Variants in CFAP73 observed in about 807,000 individuals in gnomAD.
CFAP73 encodes the protein cilia and flagella associated protein 73, also known as cilia- and flagella-associated protein 73.
A neutral mutation model predicts 42.9 loss-of-function variants in CFAP73; 33 were observed. The ratio of observed to expected loss-of-function variants is 0.77; its 90% CI spans 0.58 to 1.03. The LOEUF (loss-of-function observed/expected upper bound fraction) is 1.03, where lower values mean the gene tolerates loss of function less well. Among genes scored for constraint, CFAP73 ranks in the 50% least tolerant of loss-of-function variants. CFAP73 has a pLI of 0.00. For missense variants in CFAP73, 392 were observed against 411.9 expected (o/e 0.95, Z 0.42); for synonymous variants, 162 against 186.8 (o/e 0.87, Z 1.08).
intron 5 of CFAP73, among the ~76,000 whole-genome samples, chr12:113,155,051 T>A (rs1367902465): frequency 2.0e-5 from 3 of 152,058 alleles, no homozygotes; most frequent in African/African-American, 7.2e-5. Flanking sequence ...GCGCCTGTAC[T>A]CCCAGCTACT....
intron 7 of CFAP73, 61 bp downstream of exon 7, chr12:113,157,751 T>C (rs1952150065): frequency 4.0e-6 from 5 of 1,246,144 alleles, no homozygotes; most frequent in Non-Finnish European, 5.7e-6. Context: ...ACATTTCCAA[T>C]GGGGTGTGGA....
At position 113,158,901 on chromosome 12, in the gene CFAP73, C is replaced by T. The variant is rs771002131; in HGVS notation, c.*212C>T. On this transcript the variant is annotated 3_prime_UTR_variant, in exon 8 of 8. Coordinates refer to ENST00000335621, the MANE Select transcript of CFAP73 (RefSeq NM_001144872.3). The surrounding 1 kb of genome is among the most constrained non-coding windows in gnomAD (Gnocchi z 4.9). ...CTCACATCCTCTTCCGCATCTTGCC[C>T]TTCTTGGAGCGGGCACCCCGGCCGA... 2.5e-6 allele frequency: 4 copies of T among 1,606,282 alleles called. No individual in the cohort carries two copies. The Middle Eastern group carries it at 6.6e-4, about 266-fold the overall frequency.
Position 113,149,856 on chromosome 12 carries a change from G to A in CFAP73, c.-2G>A, listed in dbSNP as rs1952046627. 1 of 1,551,644 alleles carries A rather than the reference G, an allele frequency of 6.4e-7. No individual in the cohort carries two copies. The highest frequency in any genetic ancestry group is 1.2e-5 in the South Asian group (1 of 84,060). The stretch of plus-strand genomic sequence containing the variant: ...AAGAAAGCTGGGGCAACTGCCAGAA[G>A]GATGGCGGTGCCCTGGGAGGAATAT... On this transcript the variant is annotated 5_prime_UTR_variant, in exon 1 of 8. Coordinates refer to ENST00000335621, the MANE Select transcript of CFAP73 (RefSeq NM_001144872.3).
chr12:113,156,520 C>T (rs528176923), intron 6 of CFAP73, among the ~76,000 whole-genome samples: 40 of 152,082 alleles, frequency 2.6e-4, no homozygotes, highest in African/African-American at 9.1e-4. Flanking sequence ...GTTTTGTCTG[C>T]GGCTCGTCCT....
intron 1 of CFAP73, among the ~76,000 whole-genome samples, chr12:113,150,489 C>T (rs1190686265): frequency 6.6e-6 from 1 of 152,162 alleles, no homozygotes; most frequent in Non-Finnish European, 1.5e-5. Flanking sequence ...GCTGGTCTCC[C>T]CCACCTGACC....
Position 113,154,465 on chromosome 12 carries a change from C to T in CFAP73, c.520C>T (p.Gln174Ter). Residue 174 changes from glutamine to a stop codon, truncating the protein, a stop_gained, in exon 5 of 8, where the codon CAG becomes TAG. Coordinates refer to ENST00000335621, the MANE Select transcript of CFAP73 (RefSeq NM_001144872.3). LOFTEE classifies it high-confidence loss of function. This position sits in a 1 kb window ranked among gnomAD's most constrained non-coding sequence, Gnocchi z 4.7. Reference sequence around the variant, plus strand: ...GCGCTTCGACGGCCTGGCCGAGACGCAGGCGGCGCTGAGGCTCAGGGAGCG... The same window carrying T: ...GCGCTTCGACGGCCTGGCCGAGACGTAGGCGGCGCTGAGGCTCAGGGAGCG... ...VARFDGLAET[Q>*]AALRLREREQ... 1 of 1,546,264 alleles carries T rather than the reference C, an allele frequency of 6.5e-7. No individual in the cohort carries two copies. Among genetic ancestry groups the T allele is most frequent in the Non-Finnish European group, 8.7e-7 (1 of 1,145,604 alleles).
rs1952065807 is a variant in CFAP73, at chr12:113,151,939, G to C, written c.78G>C (p.Glu26Asp). The C allele has an allele frequency of 3.2e-6, 5 of 1,551,536 alleles. No individual in the cohort carries two copies. The African/African-American group carries it at 5.5e-5, about 17-fold the overall frequency. The change falls in exon 2 of 8, where the codon GAG (glutamate) becomes GAC (aspartate). Residue 26 changes from glutamate (E) to aspartate (D), a missense_variant. Glu to Asp is a conservative substitution (Grantham distance 45). Transcript: ENST00000335621. Reference protein sequence around the residue: ...KLSTKLPEQAEDHVPPVLRLL... With the variant: ...KLSTKLPEQADDHVPPVLRLL... ...TCAGAAAGCTGCCAGAGCAGGCTGAGGATCATGTCCCACCAGTACTGCGTC... is the reference window on the plus strand; with the variant it reads ...TCAGAAAGCTGCCAGAGCAGGCTGACGATCATGTCCCACCAGTACTGCGTC...
rs1468202771 is a variant in CFAP73 at position 113,154,558 on chromosome 12, G to C, written c.613G>C (p.Glu205Gln). Residue 205 changes from glutamate to glutamine, a missense_variant, in exon 5 of 8, where the codon GAG becomes CAG. Physicochemically the swap from Glu to Gln is conservative, Grantham distance 29. Coordinates refer to ENST00000335621, the MANE Select transcript of CFAP73 (RefSeq NM_001144872.3). This position sits in a 1 kb window ranked among gnomAD's most constrained non-coding sequence, Gnocchi z 4.7. ...GCAGCTGCGGGACGCCTGGCCGGAC[G>C]AGGTGCTCGCACAGGGCCAGCGGCG... ...LQQLRDAWPD[E>Q]VLAQGQRRAQ... The C allele has an allele frequency of 6.8e-7, 1 of 1,463,670 alleles. No homozygotes were observed. Among genetic ancestry groups the C allele is most frequent in the Admixed American group, 2.7e-5 (1 of 37,218 alleles). 90.7% of individuals were successfully genotyped at this position (1,463,670 alleles called of 1,614,324 possible).
In CFAP73 at chr12:113,151,972, G is replaced by C. The variant is rs1424723733; in HGVS notation, c.111G>C (p.Glu37Asp). The C allele has an allele frequency of 6.4e-7, 1 of 1,551,620 alleles. No individual in the cohort carries two copies. Among genetic ancestry groups the C allele is most frequent in the Non-Finnish European group, 8.7e-7 (1 of 1,146,978 alleles). Reference protein sequence around the residue: ...DHVPPVLRLLEKRQELVDADQ... With the variant: ...DHVPPVLRLLDKRQELVDADQ... ...TCCCACCAGTACTGCGTCTCCTGGA[G>C]AAGAGGCAAGAGCTGGTAGATGCAG... Residue 37 changes from glutamate (E) to aspartate (D), a missense_variant, in exon 2 of 8, where the codon GAG (glutamate) becomes GAC (aspartate). Transcript: ENST00000335621.
In CFAP73 at chr12:113,153,374, G is replaced by A; in HGVS notation, c.434G>A (p.Arg145His). 6 of 1,471,366 alleles carry A rather than the reference G, an allele frequency of 4.1e-6. No homozygotes were observed. The highest frequency in any genetic ancestry group is 5.4e-6 in the Non-Finnish European group (6 of 1,118,054). 91.1% of individuals were successfully genotyped at this position (1,471,366 alleles called of 1,614,324 possible). A position where few individuals can be genotyped will look rare whatever the true frequency, so the allele number is the denominator to read the frequency against. The change falls in exon 4 of 8, where the codon CGC becomes CAC. Residue 145 changes from arginine (R) to histidine (H), a missense_variant. By Grantham distance (29) the Arg-to-His change is conservative. Coordinates refer to ENST00000335621, the MANE Select transcript of CFAP73 (RefSeq NM_001144872.3). ...RRLKRLEPCA[R>H]LLEQALELLP... ...CTTAAGCGCCTGGAGCCCTGCGCGC[G>A]CCTGCTGGAGCAAGCGCTGGAGCTG...
At chr12:113,157,521 C>T (rs61941412) in intron 6 of CFAP73, 81 bp from the exon 7 acceptor site, 65,881 of 1,150,388 alleles carry the variant, frequency 0.057, 2,332 homozygotes, top group Non-Finnish European at 0.064. Context: ...CCCTACCTTT[C>T]GGCCTCCCCC....
chr12:113,156,442 C>A (rs563395480), intron 6 of CFAP73, among the ~76,000 whole-genome samples: 1 of 151,640 alleles, frequency 6.6e-6, no homozygotes. Flanking sequence ...TGCTCCCAGC[C>A]GAATAAAAAA....
At chr12:113,151,827 G>A in intron 1 of CFAP73, 91 bp from the exon 2 acceptor site, 1 of 784,950 alleles carries the variant, frequency 1.3e-6, no homozygotes, top group Non-Finnish European at 2.0e-6. Context: ...CAGCCAGCAG[G>A]TGGCTAATGG....
At position 113,154,664 on chromosome 12, in the gene CFAP73, C is replaced by T. The variant is rs1158866614; in HGVS notation, c.690+29C>T. 2 of 1,381,512 alleles carry T rather than the reference C, an allele frequency of 1.4e-6. No individual in the cohort carries two copies. The highest frequency in any genetic ancestry group is 3.1e-5 in the African/African-American group (2 of 65,136). The allele number at this position is 1,381,512 out of a possible 1,614,324, so 85.6% of individuals were successfully genotyped here. A position where few individuals can be genotyped will look rare whatever the true frequency, so the allele number is the denominator to read the frequency against. On this transcript the variant is annotated intron_variant, in intron 5 of 7. Transcript: ENST00000335621. This position sits in a 1 kb window ranked among gnomAD's most constrained non-coding sequence, Gnocchi z 4.7. ...CGACCCGCCCTAGGTGGGGGGCGCT[C>T]CGGACCCCAGGCTTCCACAGCCGGG...
At chr12:113,155,113 T>A in intron 5 of CFAP73, 147 bp from the exon 6 acceptor site, 2 of 624,886 alleles carry the variant, frequency 3.2e-6, no homozygotes, top group Non-Finnish European at 2.5e-6. Flanking sequence ...GCGGTTGCAG[T>A]GAGCTGAGAT....
chr12:113,157,474 A>G lies in CFAP73; in HGVS notation c.850-128A>G, dbSNP rs1248194616. On this transcript the variant is annotated intron_variant, in intron 6 of 7. Transcript: ENST00000335621. Reference sequence around the variant, plus strand: ...GTCACCACCTCTGGGAACCACCATCATCACTGTTCTTTTAATGAGGGGATC... The same window carrying G: ...GTCACCACCTCTGGGAACCACCATCGTCACTGTTCTTTTAATGAGGGGATC... 4 of 736,392 alleles carry G rather than the reference A, an allele frequency of 5.4e-6. No homozygotes were observed. The East Asian group carries it at 8.1e-5, about 15-fold the overall frequency. 45.6% of individuals were successfully genotyped at this position (736,392 alleles called of 1,614,324 possible).
Position 113,155,355 on chromosome 12 carries a change from G to A in CFAP73, c.786G>A (p.Val262=). ...RMAVLNLFQL[V]CQHQGQPPTL... ...CTGTGCTCAACCTGTTCCAGCTAGTGTGCCAGCATCAGGGGCAGCCTCCCA... is the reference window on the plus strand; with the variant it reads ...CTGTGCTCAACCTGTTCCAGCTAGTATGCCAGCATCAGGGGCAGCCTCCCA... Residue 262 remains valine (V), a synonymous_variant, in exon 6 of 8, where the codon GTG becomes GTA. Coordinates refer to ENST00000335621, the MANE Select transcript of CFAP73 (RefSeq NM_001144872.3). The A allele has an allele frequency of 6.4e-7, 1 of 1,551,564 alleles. No individual in the cohort carries two copies. Among genetic ancestry groups the A allele is most frequent in the Non-Finnish European group, 8.7e-7 (1 of 1,146,840 alleles).
chr12:113,153,797 C>T (rs575742970), intron 4 of CFAP73, among the ~76,000 whole-genome samples: 10 of 152,002 alleles, frequency 6.6e-5, no homozygotes, highest in Admixed American at 6.5e-4. Flanking sequence ...ACGGTGGTTT[C>T]TCTATGTTGC....
chr12:113,151,308 C>T (rs937211219), intron 1 of CFAP73, among the ~76,000 whole-genome samples: 1 of 152,128 alleles, frequency 6.6e-6, no homozygotes, highest in East Asian at 1.9e-4. Context: ...ATGGTGAAAC[C>T]CTGTCTCTAC....
Sources: gnomAD v4.1 joint callset for allele counts (sites outside exome capture counted in the v4.1 genomes callset) on GRCh38, gnomAD v4.1.1 for gene constraint, Gnocchi (gnomAD v3.1) non-coding constraint, MANE v1.5 for transcripts, NCBI Gene and HGNC (gene_info 2026-07-23, HGNC 2026-07-21) for gene names.